Variants in AGBL4 observed in about 807,000 individuals in gnomAD.
AGBL4 encodes the protein cytosolic carboxypeptidase 6.
In AGBL4, 58 loss-of-function variants were observed where a neutral mutation model predicts 66.4. That is an observed-to-expected ratio of 0.87 (90% CI 0.71 to 1.09). The LOEUF is 1.09. Ranked by LOEUF, AGBL4 falls within the 50% of genes least tolerant of loss-of-function variation. The probability of loss-of-function intolerance (pLI) is 0.00; values close to 1 mark genes in which losing one functional copy is unlikely to be tolerated. For synonymous variants in AGBL4, 234 were observed against 222.9 expected (o/e 1.05, Z -0.44); for missense variants, 579 against 631.0 (o/e 0.92, Z 0.88).
chr1:49,886,911 T>C (rs1220326652), intron 1 of AGBL4, among the ~76,000 whole-genome samples: 1 of 152,056 alleles, frequency 6.6e-6, no homozygotes. Flanking sequence ...TTCTGCCAGA[T>C]TCAATTTTCA....
At chr1:49,032,814 G>T (rs1230365063) in intron 5 of AGBL4, among the ~76,000 whole-genome samples, 2 of 152,136 alleles carry the variant, frequency 1.3e-5, no homozygotes, top group African/African-American at 4.8e-5. Flanking sequence ...ATCATACTTG[G>T]TGGTAGTATA....
At chr1:49,044,871 T>C (rs1644039366) in intron 5 of AGBL4, among the ~76,000 whole-genome samples, 1 of 152,130 alleles carries the variant, frequency 6.6e-6, no homozygotes, top group Non-Finnish European at 1.5e-5. Context: ...CCAAAAGAAA[T>C]GCAGATCTGC....
chr1:49,133,688 G>A (rs1403090793), intron 4 of AGBL4, among the ~76,000 whole-genome samples: 1 of 151,996 alleles, frequency 6.6e-6, no homozygotes, highest in Non-Finnish European at 1.5e-5. Flanking sequence ...GACAATATGT[G>A]GATGTTCTTC....
intron 3 of AGBL4, among the ~76,000 whole-genome samples, chr1:49,344,158 G>A (rs995953855): frequency 6.6e-6 from 1 of 152,084 alleles, no homozygotes; most frequent in Non-Finnish European, 1.5e-5. Context: ...CCTGATACAC[G>A]ATTAAAATCA....
intron 1 of AGBL4, among the ~76,000 whole-genome samples, chr1:49,985,579 T>C (rs576402971): frequency 6.6e-6 from 1 of 152,292 alleles, no homozygotes; most frequent in African/African-American, 2.4e-5. Context: ...AGATGAGAGA[T>C]GGTTAAGAAT....
intron 3 of AGBL4, among the ~76,000 whole-genome samples, chr1:49,452,154 C>T (rs1293775108): frequency 4.0e-5 from 6 of 151,746 alleles, no homozygotes; most frequent in Non-Finnish European, 8.8e-5. Context: ...AGTATTAAAA[C>T]GTTCGGATTT....
chr1:49,822,227 G>A (rs918209286), intron 2 of AGBL4, among the ~76,000 whole-genome samples: 1 of 151,948 alleles, frequency 6.6e-6, no homozygotes, highest in Non-Finnish European at 1.5e-5. Flanking sequence ...AAAATTAAAG[G>A]TATATTTCCA....
chr1:48,688,805 T>TA (rs1431799148), intron 6 of AGBL4, among the ~76,000 whole-genome samples: 1 of 152,110 alleles, frequency 6.6e-6, no homozygotes, highest in East Asian at 1.9e-4. Flanking sequence ...AGCTCTTTTT[T>TA]TTTTTTTGAA....
At chr1:49,606,440 T>A (rs546617889) in intron 3 of AGBL4, among the ~76,000 whole-genome samples, 1 of 152,260 alleles carries the variant, frequency 6.6e-6, no homozygotes, top group South Asian at 2.1e-4. Context: ...TTTTTGACAG[T>A]CAATGAGAAT....
chr1:49,832,507 T>A (rs1383899707), intron 2 of AGBL4, among the ~76,000 whole-genome samples: 1 of 151,724 alleles, frequency 6.6e-6, no homozygotes, highest in African/African-American at 2.4e-5. Flanking sequence ...TTTGGGTATA[T>A]ACCCAGTAAT....
At chr1:49,563,026 T>C (rs866972295) in intron 3 of AGBL4, among the ~76,000 whole-genome samples, 5 of 152,130 alleles carry the variant, frequency 3.3e-5, no homozygotes, top group Non-Finnish European at 7.4e-5. Flanking sequence ...GTCCTTCACA[T>C]CCCTTGTAAG....
chr1:49,817,274 G>A (rs1645255344), intron 2 of AGBL4, among the ~76,000 whole-genome samples: 1 of 152,106 alleles, frequency 6.6e-6, no homozygotes, highest in African/African-American at 2.4e-5. Context: ...TGGCCTGAAG[G>A]GCAGGGAATG....
intron 6 of AGBL4, among the ~76,000 whole-genome samples, chr1:48,722,393 C>T (rs1647165873): frequency 1.3e-5 from 2 of 152,156 alleles, no homozygotes; most frequent in South Asian, 4.1e-4. Flanking sequence ...TTCACATTTA[C>T]TGAAGGCTGG....
intron 5 of AGBL4, among the ~76,000 whole-genome samples, chr1:48,947,425 G>C (rs1243159484): frequency 2.0e-5 from 3 of 152,210 alleles, no homozygotes; most frequent in Non-Finnish European, 4.4e-5. Flanking sequence ...ATGGGGTAGA[G>C]AATGGGAGAG....
At chr1:49,155,189 C>A (rs1015794646) in intron 4 of AGBL4, among the ~76,000 whole-genome samples, 9 of 152,076 alleles carry the variant, frequency 5.9e-5, no homozygotes, top group African/African-American at 1.7e-4. Context: ...CTTAAAATAA[C>A]CTCCAATGTA....
chr1:49,418,083 T>C (rs1467539766), intron 3 of AGBL4, among the ~76,000 whole-genome samples: 1 of 152,196 alleles, frequency 6.6e-6, no homozygotes, highest in Non-Finnish European at 1.5e-5. Flanking sequence ...TTACTGTAAC[T>C]TTAGCTTTCT....
chr1:49,639,026 A>G (rs964020412), intron 3 of AGBL4, among the ~76,000 whole-genome samples: 1 of 152,162 alleles, frequency 6.6e-6, no homozygotes, highest in Admixed American at 6.5e-5. Flanking sequence ...CCTAATAGAC[A>G]CAGTAAGGAT....
intron 3 of AGBL4, among the ~76,000 whole-genome samples, chr1:49,365,305 C>A (rs1211270023): frequency 6.6e-6 from 1 of 152,064 alleles, no homozygotes; most frequent in Admixed American, 6.5e-5. Flanking sequence ...TTCCACAAAT[C>A]AGTTCGAACT....
At chr1:48,976,389 C>T (rs1198738866) in intron 5 of AGBL4, among the ~76,000 whole-genome samples, 2 of 152,082 alleles carry the variant, frequency 1.3e-5, no homozygotes, top group Admixed American at 6.6e-5. Flanking sequence ...TGATATGGTA[C>T]CATTGACCAG....
Sources: gnomAD v4.1 joint callset for allele counts (sites outside exome capture counted in the v4.1 genomes callset) on GRCh38, gnomAD v4.1.1 for gene constraint, MANE v1.5 for transcripts, NCBI Gene and HGNC (gene_info 2026-07-23, HGNC 2026-07-21) for gene names.